Variants in VPS54 observed in about 807,000 individuals in gnomAD.
VPS54 encodes the protein vacuolar protein sorting-associated protein 54.
Under a neutral mutation model 121.5 loss-of-function variants are expected in VPS54, and 45 were observed. That is an observed-to-expected ratio of 0.37 (90% CI 0.29 to 0.47). The LOEUF is 0.47. Among genes scored for constraint, VPS54 ranks in the 20% least tolerant of loss-of-function variants. VPS54 has a pLI of 0.99. For synonymous variants in VPS54, 371 were observed against 385.8 expected (o/e 0.96, Z 0.45); for missense variants, 1,090 against 1,131.4 (o/e 0.96, Z 0.52).
chr2:63,964,366 T>A (rs1675895366), intron 6 of VPS54, among the ~76,000 whole-genome samples: 1 of 152,216 alleles, frequency 6.6e-6, no homozygotes, highest in Non-Finnish European at 1.5e-5. Context: ...TTTCAAGGCA[T>A]AACATTTTTA....
chr2:63,925,054 G>C (rs1478854193), intron 12 of VPS54, among the ~76,000 whole-genome samples: 1 of 152,172 alleles, frequency 6.6e-6, no homozygotes, highest in Admixed American at 6.5e-5. Flanking sequence ...GGAAAGTAAT[G>C]AATCATAGAA....
chr2:63,994,166 C>T (rs1047020980), intron 1 of VPS54, among the ~76,000 whole-genome samples: 1 of 152,168 alleles, frequency 6.6e-6, no homozygotes, highest in Non-Finnish European at 1.5e-5. Flanking sequence ...CCCATCTAAC[C>T]AATCCCACTT....
intron 3 of VPS54, among the ~76,000 whole-genome samples, chr2:63,979,007 C>CA (rs1259481176): frequency 3.3e-5 from 5 of 152,166 alleles, no homozygotes; most frequent in Non-Finnish European, 7.4e-5. Context: ...AATTTACTGG[C>CA]ACAAAGTTAT....
In VPS54 at chr2:63,934,771, C is replaced by A. The variant is rs138602784; in HGVS notation, c.1399-758G>T. On this transcript the variant is annotated intron_variant, in intron 11 of 22. Transcript: ENST00000272322. The stretch of plus-strand genomic sequence containing the variant: ...AGAATGTCAGCTCCATTCCATGACA[C>A]TGTAATCCTAATGCCTAGAATAGTG... 1.6e-4 allele frequency among the ~76,000 whole-genome samples: 24 copies of A among 152,292 alleles called. No homozygotes were observed. In the East Asian group the frequency reaches 4.4e-3, roughly 28 times the overall value.
chr2:63,984,540 T>C (rs1676952443), intron 1 of VPS54, among the ~76,000 whole-genome samples: 1 of 152,222 alleles, frequency 6.6e-6, no homozygotes, highest in Admixed American at 6.5e-5. Context: ...TTTAAAATAA[T>C]GTCTGCCTCA....
intron 14 of VPS54, among the ~76,000 whole-genome samples, chr2:63,920,219 G>C (rs1673580253): frequency 6.6e-6 from 1 of 152,162 alleles, no homozygotes; most frequent in South Asian, 2.1e-4. Context: ...GGGAACAAAA[G>C]TCAACTTACT....
rs543322375 is a variant in VPS54 at position 64,007,086 on chromosome 2, G to A, written c.-21+11852C>T. Among the ~76,000 whole-genome samples, 52 of 152,310 alleles carry A rather than the reference G, an allele frequency of 3.4e-4. No individual in the cohort carries two copies. In the Middle Eastern group the frequency reaches 0.017, roughly 50 times the overall value. The stretch of plus-strand genomic sequence containing the variant: ...GAGAGGTGGTGGGTAGGAGAAAGTA[G>A]AGGGAAAACAGCAATAACAAACTAA... On this transcript the variant is annotated intron_variant, in intron 1 of 22. Coordinates refer to ENST00000272322, the MANE Select transcript of VPS54 (RefSeq NM_016516.3).
Position 63,933,957 on chromosome 2 carries a change from CCTT to C in VPS54, c.1452_1454del (p.Arg485del). 1.2e-6 allele frequency: 2 copies of C among 1,613,524 alleles called. No homozygotes were observed. Among genetic ancestry groups the C allele is most frequent in the Non-Finnish European group, 8.5e-7 (1 of 1,179,706 alleles). On this transcript the variant is annotated inframe_deletion, in exon 12 of 23. Transcript: ENST00000272322. ...GTGAAATCTCTTCCAATTCTCTAGT[CCTT>C]TGGTTTTTGTCAAGAACTGAGAGAA...
intron 5 of VPS54, among the ~76,000 whole-genome samples, chr2:63,967,709 A>ACTCT (rs1235981756): frequency 6.7e-6 from 1 of 148,736 alleles, no homozygotes; most frequent in Non-Finnish European, 1.5e-5. Context: ...ACAGAGAGAG[A>ACTCT]CTCTGCCTCA....
chr2:63,927,925 C>CA (rs1673991559), intron 12 of VPS54, among the ~76,000 whole-genome samples: 4 of 151,852 alleles, frequency 2.6e-5, no homozygotes, highest in Admixed American at 2.6e-4. Context: ...GACTGAAGAT[C>CA]AAATTAGTGA....
At chr2:63,943,587 C>T (rs559070210) in intron 10 of VPS54, among the ~76,000 whole-genome samples, 15 of 152,208 alleles carry the variant, frequency 9.9e-5, no homozygotes, top group African/African-American at 2.9e-4. Context: ...GTTTCACAGT[C>T]GTACATATTG....
At position 63,993,769 on chromosome 2, in the gene VPS54, C is replaced by T. The variant is rs182931705; in HGVS notation, c.-20-9750G>A. 4.9e-4 allele frequency among the ~76,000 whole-genome samples: 75 copies of T among 152,228 alleles called. 1 individual carries two copies. The South Asian group carries it at 7.7e-3, about 16-fold the overall frequency. ...TTATAAAAATGACTTCTTGGGTGGTCCCTCGATTGACCAAAGATCAGCCCA... is the reference window on the plus strand; with the variant it reads ...TTATAAAAATGACTTCTTGGGTGGTTCCTCGATTGACCAAAGATCAGCCCA... On this transcript the variant is annotated intron_variant, in intron 1 of 22. Coordinates refer to ENST00000272322, the MANE Select transcript of VPS54 (RefSeq NM_016516.3).
chr2:64,005,944 C>T (rs549593344), intron 1 of VPS54, among the ~76,000 whole-genome samples: 5 of 152,088 alleles, frequency 3.3e-5, no homozygotes, highest in African/African-American at 9.6e-5. Flanking sequence ...AGGTTTAAAC[C>T]ACCATATATG....
intron 7 of VPS54, 101 bp from the exon 8 acceptor site, chr2:63,949,264 T>C: frequency 1.7e-6 from 2 of 1,171,762 alleles, no homozygotes; most frequent in Non-Finnish European, 2.4e-6. Context: ...CAGTTGACAG[T>C]ACCTGTGCAA....
chr2:63,937,273 A>C (rs983573877), intron 11 of VPS54, among the ~76,000 whole-genome samples: 6 of 152,166 alleles, frequency 3.9e-5, no homozygotes, highest in African/African-American at 7.2e-5. Flanking sequence ...AATATCCAGA[A>C]TATGTAAAGA....
chr2:63,919,127 A>C (rs1673519174), intron 15 of VPS54, among the ~76,000 whole-genome samples: 1 of 152,068 alleles, frequency 6.6e-6, no homozygotes, highest in Non-Finnish European at 1.5e-5. Flanking sequence ...ATTATAAATA[A>C]ATTTACATTA....
chr2:63,940,362 T>C (rs1674662282), intron 11 of VPS54, among the ~76,000 whole-genome samples: 1 of 152,234 alleles, frequency 6.6e-6, no homozygotes. Flanking sequence ...ACATAAGTAC[T>C]AGTTTAAGTG....
At chr2:63,998,851 T>C (rs1677735265) in intron 1 of VPS54, among the ~76,000 whole-genome samples, 1 of 152,192 alleles carries the variant, frequency 6.6e-6, no homozygotes, top group Non-Finnish European at 1.5e-5. Flanking sequence ...GTTATAATAT[T>C]CTATGATTTT....
At chr2:64,003,886 G>C (rs1441121362) in intron 1 of VPS54, among the ~76,000 whole-genome samples, 1 of 152,158 alleles carries the variant, frequency 6.6e-6, no homozygotes, top group African/African-American at 2.4e-5. Context: ...AACACACGTG[G>C]TGCCCAGACT....
Sources: allele counts gnomAD v4.1 joint callset (sites outside exome capture counted in the v4.1 genomes callset), GRCh38; gene constraint gnomAD v4.1.1; transcripts MANE v1.5; gene names NCBI Gene and HGNC (gene_info 2026-07-23, HGNC 2026-07-21).